DENND2A: variants seen among roughly 807,000 people sequenced by gnomAD.
DENND2A encodes DENN domain-containing protein 2A.
Under a neutral mutation model 105.3 loss-of-function variants are expected in DENND2A, and 53 were observed. The ratio of observed to expected loss-of-function variants is 0.50; its 90% CI spans 0.40 to 0.63. The LOEUF (loss-of-function observed/expected upper bound fraction) is 0.63, where lower values mean the gene tolerates loss of function less well. DENND2A is among the 30% of genes least tolerant of loss of function. The pLI is 0.00. For synonymous variants in DENND2A, 522 were observed against 508.4 expected (o/e 1.03, Z -0.36); for missense variants, 1,138 against 1,279.6 (o/e 0.89, Z 1.69).
At chr7:140,521,803 G>T in intron 18 of DENND2A, 52 bp downstream of exon 18, 1 of 1,603,766 alleles carries the variant, frequency 6.2e-7, no homozygotes, top group South Asian at 1.1e-5. Context: ...CAGCCGCCTG[G>T]AATATAGGGA....
intron 1 of DENND2A, among the ~76,000 whole-genome samples, chr7:140,634,012 T>C (rs1179631679): frequency 6.6e-6 from 1 of 151,748 alleles, no homozygotes; most frequent in Non-Finnish European, 1.5e-5. Context: ...TTTTTTTTTT[T>C]TTCCGAGACA....
At chr7:140,599,268 G>A (rs1240170657) in intron 3 of DENND2A, among the ~76,000 whole-genome samples, 1 of 152,058 alleles carries the variant, frequency 6.6e-6, no homozygotes, top group African/African-American at 2.4e-5. Flanking sequence ...AACCCAGGAG[G>A]TGGAGGATGC....
At chr7:140,570,328 T>C (rs1230314322) in intron 6 of DENND2A, among the ~76,000 whole-genome samples, 1 of 152,176 alleles carries the variant, frequency 6.6e-6, no homozygotes. Flanking sequence ...AGACAGCCCA[T>C]TGCTCATGAT....
intron 1 of DENND2A, among the ~76,000 whole-genome samples, chr7:140,625,677 G>A (rs1235302951): frequency 2.6e-5 from 4 of 151,974 alleles, no homozygotes; most frequent in Admixed American, 6.6e-5. Flanking sequence ...GCGAGACTCC[G>A]CCTCAAAAAC....
Position 140,567,241 on chromosome 7 carries a change from G to C in DENND2A, c.1624C>G (p.Arg542Gly), listed in dbSNP as rs779473145. The change falls in exon 9 of 20, where the codon CGG becomes GGG. Residue 542 changes from arginine (R) to glycine (G), a missense_variant. Physicochemically the swap from Arg to Gly is moderately radical, Grantham distance 125 (BLOSUM62 -2). Transcript: ENST00000496613. The part of the protein sequence containing the change: ...HSQRLVNVKS[R>G]LKQAPRYPSL... ...GGGTACCGAGGCGCCTGCTTCAGCCGGGACTTCACGTTGACCAGGCGCTGG... is the reference window on the plus strand; with the variant it reads ...GGGTACCGAGGCGCCTGCTTCAGCCCGGACTTCACGTTGACCAGGCGCTGG... The C allele has an allele frequency of 1.9e-6, 3 of 1,612,100 alleles. No homozygotes were observed. Among genetic ancestry groups the C allele is most frequent in the South Asian group, 2.2e-5 (2 of 90,718 alleles).
chr7:140,528,387 G>A (rs773942455), intron 14 of DENND2A, among the ~76,000 whole-genome samples: 20 of 152,156 alleles, frequency 1.3e-4, no homozygotes, highest in Non-Finnish European at 7.3e-5. Context: ...GTACTCACAT[G>A]CCAGCAGTCA....
At chr7:140,600,281 G>C (rs1334161328) in intron 3 of DENND2A, among the ~76,000 whole-genome samples, 1 of 151,912 alleles carries the variant, frequency 6.6e-6, no homozygotes, top group Non-Finnish European at 1.5e-5. Flanking sequence ...GGGAGTTGGG[G>C]CTGAATGCCT....
chr7:140,530,301 A>T (rs916815361), intron 14 of DENND2A, among the ~76,000 whole-genome samples: 5 of 152,308 alleles, frequency 3.3e-5, no homozygotes, highest in South Asian at 2.1e-4. Context: ...AATTAAAATT[A>T]AAAAATATAT....
At chr7:140,543,081 C>A (rs1365197996) in intron 14 of DENND2A, among the ~76,000 whole-genome samples, 2 of 151,754 alleles carry the variant, frequency 1.3e-5, no homozygotes, top group Non-Finnish European at 2.9e-5. Context: ...TCTCTGTTAC[C>A]CCACTGCACT....
chr7:140,548,665 G>A (rs966257384), intron 12 of DENND2A, among the ~76,000 whole-genome samples: 1 of 151,672 alleles, frequency 6.6e-6, no homozygotes, highest in African/African-American at 2.4e-5. Context: ...CCAGGCTGGG[G>A]TGCAGTGGCA....
chr7:140,571,025 G>C (rs966086087), intron 6 of DENND2A, among the ~76,000 whole-genome samples: 2 of 152,132 alleles, frequency 1.3e-5, no homozygotes, highest in African/African-American at 4.8e-5. Context: ...TCTAAAATTA[G>C]TTGTTCTGTG....
At chr7:140,608,140 T>G (rs2130698652) in intron 1 of DENND2A, among the ~76,000 whole-genome samples, 1 of 152,230 alleles carries the variant, frequency 6.6e-6, no homozygotes, top group South Asian at 2.1e-4. Flanking sequence ...GACATGATAC[T>G]TAAGTGAACT....
chr7:140,599,844 A>C (rs1437872981), intron 3 of DENND2A, among the ~76,000 whole-genome samples: 2 of 152,116 alleles, frequency 1.3e-5, no homozygotes, highest in Non-Finnish European at 2.9e-5. Flanking sequence ...ATCATCCTAC[A>C]TGACAGACCA....
intron 14 of DENND2A, among the ~76,000 whole-genome samples, chr7:140,530,818 C>A (rs150515639): frequency 2.6e-5 from 4 of 151,966 alleles, no homozygotes; most frequent in African/African-American, 9.7e-5. Flanking sequence ...GCAACCTCCA[C>A]CTCCCGTGTT....
intron 14 of DENND2A, among the ~76,000 whole-genome samples, chr7:140,540,264 A>C (rs566196374): frequency 3.1e-4 from 47 of 152,348 alleles, no homozygotes; most frequent in African/African-American, 9.6e-4. Context: ...AGCGCCTGAC[A>C]TTTGGCAGCT....
chr7:140,609,406 G>T (rs976397660), intron 1 of DENND2A, among the ~76,000 whole-genome samples: 3 of 152,046 alleles, frequency 2.0e-5, no homozygotes, highest in African/African-American at 4.8e-5. Flanking sequence ...CCAGCTACTC[G>T]GGAGGCTGAG....
Position 140,574,026 on chromosome 7 carries a change from A to T in DENND2A, c.1246-18T>A. On this transcript the variant is annotated intron_variant, in intron 5 of 19. Coordinates refer to ENST00000496613, the MANE Select transcript of DENND2A (RefSeq NM_015689.5). ...AATGACTGCTGTGAAGGAAAAGGAG[A>T]AAAGAAGAGTAAATGAATTCAAAGG... The T allele has an allele frequency of 6.2e-7, 1 of 1,614,016 alleles. No homozygotes were observed. Among genetic ancestry groups the T allele is most frequent in the Non-Finnish European group, 8.5e-7 (1 of 1,179,936 alleles).
At chr7:140,619,732 T>G (rs1310015228) in intron 1 of DENND2A, among the ~76,000 whole-genome samples, 3 of 151,762 alleles carry the variant, frequency 2.0e-5, no homozygotes, top group Non-Finnish European at 4.4e-5. Context: ...ACTCCTGACC[T>G]CAAGTGATCT....
Position 140,523,202 on chromosome 7 carries a change from G to T in DENND2A, c.2665+105C>A. On this transcript the variant is annotated intron_variant, in intron 17 of 19. Transcript: ENST00000496613. This position sits in a 1 kb window ranked among gnomAD's most constrained non-coding sequence, Gnocchi z 4.5. ...ATGAGGCCCTGGTTTCTCTCCTTAT[G>T]TCTCCCTTGCCCATATTCCTACTTG... The T allele has an allele frequency of 2.0e-6, 2 of 990,936 alleles. No homozygotes were observed. Among genetic ancestry groups the T allele is most frequent in the Non-Finnish European group, 3.2e-6 (2 of 630,058 alleles). 61.4% of individuals were successfully genotyped at this position (990,936 alleles called of 1,614,324 possible).
Sources: allele counts gnomAD v4.1 joint callset (sites outside exome capture counted in the v4.1 genomes callset), GRCh38; gene constraint gnomAD v4.1.1; non-coding constraint Gnocchi (gnomAD v3.1); transcripts MANE v1.5; gene names NCBI Gene and HGNC (gene_info 2026-07-23, HGNC 2026-07-21).